PLAA: variants seen among roughly 807,000 people sequenced by gnomAD.
The protein encoded by PLAA is phospholipase A2 activating protein, also known as phospholipase A-2-activating protein.
PLAA carries 48 observed loss-of-function variants against 84.1 expected under a neutral mutation model. The observed-to-expected ratio is 0.57, with a 90% CI of 0.45 to 0.73. The LOEUF (loss-of-function observed/expected upper bound fraction) is 0.73. PLAA is among the 30% of genes least tolerant of loss of function. PLAA has a pLI of 0.00. For synonymous variants in PLAA, 392 were observed against 336.6 expected (o/e 1.16, Z -1.80); for missense variants, 903 against 954.7 (o/e 0.95, Z 0.71).
At chr9:26,910,242 G>A (rs1188097115) in intron 12 of PLAA, 96 bp downstream of exon 12, 4 of 785,854 alleles carry the variant, frequency 5.1e-6, no homozygotes, top group Non-Finnish European at 6.6e-6. Context: ...TTCATATTAA[G>A]TACCCAATTC....
intron 2 of PLAA, among the ~76,000 whole-genome samples, chr9:26,928,900 C>G (rs1228465627): frequency 6.6e-6 from 1 of 152,066 alleles, no homozygotes; most frequent in Non-Finnish European, 1.5e-5. Context: ...CTAAAAATTA[C>G]AAATATGAAA....
In PLAA at chr9:26,946,995, G is replaced by A. The variant is rs770526871; in HGVS notation, c.51C>T (p.His17=). 29 of 1,595,016 alleles carry A rather than the reference G, an allele frequency of 1.8e-5. No individual in the cohort carries two copies. Among genetic ancestry groups the A allele is most frequent in the Non-Finnish European group, 2.2e-5 (26 of 1,171,604 alleles). Residue 17 remains histidine, a synonymous_variant, in exon 1 of 14, where the codon CAC becomes CAT. Transcript: ENST00000397292. The stretch of plus-strand genomic sequence containing the variant: ...ACACCAGGCCCCGTACGTCCAGCTC[G>A]TGGCCCCGGAGCGAGCAGCTCAGCC... ...RYRLSCSLRG[H]ELDVRGLVCC...
In PLAA at chr9:26,947,108, TCG is replaced by T. The variant is rs1825758441; in HGVS notation, c.-65_-64del. On this transcript the variant is annotated 5_prime_UTR_variant, in exon 1 of 14. Coordinates refer to ENST00000397292, the MANE Select transcript of PLAA (RefSeq NM_001031689.3). ...TGCGAGACCAGTCCGCAGGGGCGAC[TCG>T]GAGAGCGCCGGGCCGCGGCGGGAGA... 7.1e-7 allele frequency: 1 copy of T among 1,414,154 alleles called. No individual in the cohort carries two copies. The highest frequency in any genetic ancestry group is 9.2e-7 in the Non-Finnish European group (1 of 1,081,408). 87.6% of individuals were successfully genotyped at this position (1,414,154 alleles called of 1,614,324 possible). A position where few individuals can be genotyped will look rare whatever the true frequency, so the allele number is the denominator to read the frequency against.
At chr9:26,928,841 T>C (rs1825069409) in intron 2 of PLAA, among the ~76,000 whole-genome samples, 1 of 152,318 alleles carries the variant, frequency 6.6e-6, no homozygotes, top group East Asian at 1.9e-4. Context: ...CCAAAAGTAA[T>C]GAAGTGGTTA....
At chr9:26,915,213 G>GAAA (rs980332744) in intron 10 of PLAA, among the ~76,000 whole-genome samples, 4 of 143,032 alleles carry the variant, frequency 2.8e-5, no homozygotes, top group Admixed American at 7.0e-5. Context: ...ACTCTGACTC[G>GAAA]AAAAAAAAAA....
intron 9 of PLAA, among the ~76,000 whole-genome samples, chr9:26,918,246 G>C (rs1488822068): frequency 1.3e-5 from 2 of 151,240 alleles, no homozygotes; most frequent in African/African-American, 4.9e-5. Flanking sequence ...CAAGGAGCTG[G>C]GATTACAGGC....
intron 13 of PLAA, among the ~76,000 whole-genome samples, chr9:26,907,401 T>C (rs556616170): frequency 4.6e-4 from 70 of 152,066 alleles, no homozygotes; most frequent in African/African-American, 1.6e-3. Context: ...TGGTGGCGGG[T>C]GCCTATAGTC....
At chr9:26,942,519 G>A (rs2131428518) in intron 1 of PLAA, among the ~76,000 whole-genome samples, 1 of 152,282 alleles carries the variant, frequency 6.6e-6, no homozygotes, top group South Asian at 2.1e-4. Flanking sequence ...ACAATTATTA[G>A]CCACATGCAG....
chr9:26,941,641 T>A (rs1825547082), intron 1 of PLAA, among the ~76,000 whole-genome samples: 1 of 151,510 alleles, frequency 6.6e-6, no homozygotes, highest in African/African-American at 2.4e-5. Flanking sequence ...AAGGAGGAAA[T>A]ACCTTAAAAC....
chr9:26,937,858 CA>C (rs925423638), intron 1 of PLAA, among the ~76,000 whole-genome samples: 2 of 121,732 alleles, frequency 1.6e-5, no homozygotes, highest in Non-Finnish European at 3.4e-5. Flanking sequence ...TTGAAGAACA[CA>C]AAAAAAGACT....
chr9:26,941,998 C>T (rs1035809593), intron 1 of PLAA, among the ~76,000 whole-genome samples: 4 of 152,124 alleles, frequency 2.6e-5, no homozygotes, highest in Non-Finnish European at 5.9e-5. Context: ...ATCAGAATGG[C>T]TTCAGACTTC....
chr9:26,908,785 T>G (rs1824314905), intron 12 of PLAA, among the ~76,000 whole-genome samples: 1 of 152,176 alleles, frequency 6.6e-6, no homozygotes, highest in South Asian at 2.1e-4. Flanking sequence ...CCATTTTGGA[T>G]GACTTTCAAA....
intron 2 of PLAA, among the ~76,000 whole-genome samples, chr9:26,931,255 T>A (rs1587178841): frequency 6.6e-6 from 1 of 152,138 alleles, no homozygotes; most frequent in Non-Finnish European, 1.5e-5. Flanking sequence ...CTTTTCTGTA[T>A]AGAAGTCCCA....
intron 1 of PLAA, among the ~76,000 whole-genome samples, chr9:26,946,390 G>A (rs1034566810): frequency 2.6e-5 from 4 of 151,390 alleles, no homozygotes; most frequent in African/African-American, 9.7e-5. Context: ...ACTCCCTCAG[G>A]ACCAGCACAG....
chr9:26,929,558 G>A (rs1038358328), intron 2 of PLAA, among the ~76,000 whole-genome samples: 1 of 152,166 alleles, frequency 6.6e-6, no homozygotes, highest in Admixed American at 6.5e-5. Context: ...AAGAACCTTG[G>A]ATTGGGAAAC....
In PLAA at chr9:26,947,135, A is replaced by G. The variant is rs1825760245; in HGVS notation, c.-90T>C. ...GGAGAGCGCCGGGCCGCGGCGGGAG[A>G]AGAGCCTGCAGGTAAGGGGCGGCCG... On this transcript the variant is annotated 5_prime_UTR_variant, in exon 1 of 14. Transcript: ENST00000397292. 1.5e-6 allele frequency: 2 copies of G among 1,378,108 alleles called. No homozygotes were observed. Among genetic ancestry groups the G allele is most frequent in the African/African-American group, 1.5e-5 (1 of 66,070 alleles). 85.4% of individuals were successfully genotyped at this position (1,378,108 alleles called of 1,614,324 possible). A position where few individuals can be genotyped will look rare whatever the true frequency, so the allele number is the denominator to read the frequency against.
At position 26,943,367 on chromosome 9, in the gene PLAA, T is replaced by C. The variant is rs147747316; in HGVS notation, c.149+3530A>G. Among the ~76,000 whole-genome samples, 1,080 of 152,274 alleles carry C rather than the reference T, an allele frequency of 7.1e-3. 16 individuals are homozygous for C. Among genetic ancestry groups the C allele is most frequent in the African/African-American group, 0.025 (1,021 of 41,564 alleles). The stretch of plus-strand genomic sequence containing the variant: ...CTATTTCTGCCTCCCTAGAACTAAC[T>C]TTCCCCATTATTCCCAGTCCATCCC... On this transcript the variant is annotated intron_variant, in intron 1 of 13. Coordinates refer to ENST00000397292, the MANE Select transcript of PLAA (RefSeq NM_001031689.3).
intron 2 of PLAA, among the ~76,000 whole-genome samples, chr9:26,928,626 G>A (rs1407906374): frequency 6.6e-6 from 1 of 152,224 alleles, no homozygotes; most frequent in African/African-American, 2.4e-5. Flanking sequence ...CCACTTACAA[G>A]CCACGTAACT....
At chr9:26,916,887 T>C (rs1334228373) in intron 10 of PLAA, among the ~76,000 whole-genome samples, 1 of 151,936 alleles carries the variant, frequency 6.6e-6, no homozygotes, top group African/African-American at 2.4e-5. Context: ...ATTCTAATAA[T>C]ATGCTATTTA....
Sources: allele counts gnomAD v4.1 joint callset (sites outside exome capture counted in the v4.1 genomes callset), GRCh38; gene constraint gnomAD v4.1.1; transcripts MANE v1.5; gene names NCBI Gene and HGNC (gene_info 2026-07-23, HGNC 2026-07-21).